Variants in SERPINA4 observed in about 807,000 individuals in gnomAD.
SERPINA4 encodes serpin family A member 4, also known as kallistatin.
SERPINA4 carries 24 observed loss-of-function variants against 25.4 expected under a neutral mutation model. The ratio of observed to expected loss-of-function variants is 0.95; its 90% confidence interval spans 0.69 to 1.33. The LOEUF is 1.33. SERPINA4 is among the 40% of genes most tolerant of loss of function. SERPINA4 has a pLI of 0.00. For missense variants in SERPINA4, 553 were observed against 535.8 expected (o/e 1.03, Z -0.32); for synonymous variants, 242 against 223.6 (o/e 1.08, Z -0.73).
chr14:94,563,113 C>A (rs571205398), intron 1 of SERPINA4, among the ~76,000 whole-genome samples: 1 of 152,254 alleles, frequency 6.6e-6, no homozygotes, highest in East Asian at 1.9e-4. Flanking sequence ...TGGGTTCTGG[C>A]TGGGATATGT....
intron 4 of SERPINA4, 76 bp downstream of exon 4, chr14:94,568,364 T>C: frequency 6.7e-7 from 1 of 1,501,324 alleles, no homozygotes; most frequent in Non-Finnish European, 9.1e-7. Flanking sequence ...GCGATGGGGC[T>C]CCCAAGCTGC....
chr14:94,567,146 G>T lies in SERPINA4; in HGVS notation c.826G>T (p.Val276Leu). ...LRMDYKGDATVFFILPNQGKM... is the reference protein window; with the variant it reads ...LRMDYKGDATLFFILPNQGKM... ...GATGGATTACAAAGGAGACGCAACCGTGTTTTTCATTCTCCCTAACCAAGG... is the reference window on the plus strand; with the variant it reads ...GATGGATTACAAAGGAGACGCAACCTTGTTTTTCATTCTCCCTAACCAAGG... The change falls in exon 3 of 5, where the codon GTG becomes TTG. Residue 276 changes from valine to leucine, a missense_variant. Physicochemically the swap from Val to Leu is conservative, Grantham distance 32 (BLOSUM62 1). Coordinates refer to ENST00000557004, the MANE Select transcript of SERPINA4 (RefSeq NM_006215.4). 2.5e-6 allele frequency: 4 copies of T among 1,612,518 alleles called. No homozygotes were observed. Among genetic ancestry groups the T allele is most frequent in the Non-Finnish European group, 2.5e-6 (3 of 1,178,840 alleles).
At chr14:94,562,609 A>C (rs952555330) in intron 1 of SERPINA4, among the ~76,000 whole-genome samples, 1 of 152,166 alleles carries the variant, frequency 6.6e-6, no homozygotes, top group Non-Finnish European at 1.5e-5. Context: ...TCTCAAACAA[A>C]CAAACAAACA....
intron 2 of SERPINA4, 52 bp downstream of exon 2, chr14:94,564,183 C>T (rs1216473312): frequency 5.8e-6 from 9 of 1,549,142 alleles, no homozygotes; most frequent in Non-Finnish European, 7.9e-6. Context: ...GCCTCCAACC[C>T]ACTAATTTGT....
rs1322974702 is a variant in SERPINA4 at position 94,563,763 on chromosome 14, G to A, written c.281G>A (p.Cys94Tyr). The A allele has an allele frequency of 6.2e-7, 1 of 1,613,986 alleles. No individual in the cohort carries two copies. Among genetic ancestry groups the A allele is most frequent in the African/African-American group, 1.3e-5 (1 of 74,946 alleles). Residue 94 changes from cysteine to tyrosine, a missense_variant, in exon 2 of 5, where the codon TGC (cysteine) becomes TAC (tyrosine). Physicochemically the swap from Cys to Tyr is radical, Grantham distance 194. Transcript: ENST00000557004. ...TACGCCATGCTTTCCCTGGGGGCCT[G>A]CTCACACAGCCGCAGCCAGATCCTT... ...AAYAMLSLGA[C>Y]SHSRSQILEG...
At chr14:94,563,346 C>T in intron 1 of SERPINA4, 120 bp from the exon 2 acceptor site, 1 of 997,354 alleles carries the variant, frequency 1.0e-6, no homozygotes, top group South Asian at 1.6e-5. Flanking sequence ...TTCACAAGCC[C>T]ATCTGCAGGA....
intron 1 of SERPINA4, among the ~76,000 whole-genome samples, chr14:94,562,621 C>T (rs762579392): frequency 4.5e-4 from 69 of 152,046 alleles, no homozygotes; most frequent in Non-Finnish European, 5.9e-5. Context: ...AAACAAACAA[C>T]CAAACAAACA....
At position 94,563,846 on chromosome 14, in the gene SERPINA4, C is replaced by T. The variant is rs900677407; in HGVS notation, c.364C>T (p.Gln122Ter). 1 of 1,614,194 alleles carries T rather than the reference C, an allele frequency of 6.2e-7. No homozygotes were observed. Among genetic ancestry groups the T allele is most frequent in the Admixed American group, 1.7e-5 (1 of 60,032 alleles). The change falls in exon 2 of 5, where the codon CAG becomes TAG. Residue 122 changes from glutamine to a stop codon, truncating the protein, a stop_gained. Coordinates refer to ENST00000557004, the MANE Select transcript of SERPINA4 (RefSeq NM_006215.4). LOFTEE classifies it high-confidence loss of function. ...LSESDVHRGF[Q>*]HLLHTLNLPG... ...TGAGTCCGATGTCCATAGGGGCTTCCAGCACCTCCTGCACACTCTCAACCT... is the reference window on the plus strand; with the variant it reads ...TGAGTCCGATGTCCATAGGGGCTTCTAGCACCTCCTGCACACTCTCAACCT...
intron 4 of SERPINA4, among the ~76,000 whole-genome samples, 173 bp from the exon 5 acceptor site, chr14:94,569,222 G>A (rs1299571809): frequency 6.6e-6 from 1 of 152,198 alleles, no homozygotes; most frequent in African/African-American, 2.4e-5. Flanking sequence ...TGTGGCAGGA[G>A]GTCTCTAGCT....
Position 94,563,850 on chromosome 14 carries a change from AC to A in SERPINA4, c.370del (p.Leu124SerfsTer22). ...SESDVHRGFQ[H>X]LLHTLNLPGH... ...TCCGATGTCCATAGGGGCTTCCAGC[AC>A]CTCCTGCACACTCTCAACCTCCCCG... On this transcript the variant is annotated frameshift_variant, in exon 2 of 5. Coordinates refer to ENST00000557004, the MANE Select transcript of SERPINA4 (RefSeq NM_006215.4). LOFTEE classifies it high-confidence loss of function. The A allele has an allele frequency of 6.2e-7, 1 of 1,613,830 alleles. No individual in the cohort carries two copies. Among genetic ancestry groups the A allele is most frequent in the Non-Finnish European group, 8.5e-7 (1 of 1,179,984 alleles).
At chr14:94,565,802 G>T (rs1433529509) in intron 2 of SERPINA4, among the ~76,000 whole-genome samples, 3 of 152,066 alleles carry the variant, frequency 2.0e-5, no homozygotes, top group Admixed American at 6.6e-5. Context: ...AGGTTGCTGA[G>T]ATTTTGCCAC....
intron 2 of SERPINA4, among the ~76,000 whole-genome samples, chr14:94,566,176 T>A (rs1439639402): frequency 6.6e-6 from 1 of 152,182 alleles, no homozygotes; most frequent in Non-Finnish European, 1.5e-5. Context: ...CTATCATACT[T>A]ACCCTCCAAA....
chr14:94,562,333 A>AG (rs1292078331), intron 1 of SERPINA4, among the ~76,000 whole-genome samples: 1 of 152,168 alleles, frequency 6.6e-6, no homozygotes, highest in Non-Finnish European at 1.5e-5. Context: ...ATAGCAAAAG[A>AG]GGGGGCGAGA....
At chr14:94,562,765 A>C (rs2139899817) in intron 1 of SERPINA4, among the ~76,000 whole-genome samples, 1 of 152,260 alleles carries the variant, frequency 6.6e-6, no homozygotes, top group Middle Eastern at 3.4e-3. Context: ...TTTGGGGGAG[A>C]AACTGGAGTA....
At position 94,563,618 on chromosome 14, in the gene SERPINA4, T is replaced by A. The variant is rs1039508969; in HGVS notation, c.136T>A (p.Ser46Thr). ...HQQILETGEG[S>T]PSLKIAPANA... ...GCAGATTCTGGAGACAGGTGAGGGC[T>A]CCCCCAGCCTCAAGATAGCCCCTGC... The change falls in exon 2 of 5, where the codon TCC becomes ACC. Residue 46 changes from serine (S) to threonine (T), a missense_variant. Ser to Thr is a moderately conservative substitution (Grantham distance 58). Transcript: ENST00000557004. 2 of 1,613,592 alleles carry A rather than the reference T, an allele frequency of 1.2e-6. No homozygotes were observed. The highest frequency in any genetic ancestry group is 4.5e-5 in the East Asian group (2 of 44,876).
intron 1 of SERPINA4, among the ~76,000 whole-genome samples, chr14:94,562,934 A>G (rs565588075): frequency 6.6e-6 from 1 of 152,314 alleles, no homozygotes; most frequent in South Asian, 2.1e-4. Context: ...GTCAAACTAA[A>G]TGGCTGAAAG....
rs1223323251 is a variant in SERPINA4 at position 94,563,482 on chromosome 14, G to A, written c.-1G>A. On this transcript the variant is annotated 5_prime_UTR_variant, in exon 2 of 5. Transcript: ENST00000557004. Reference sequence around the variant, plus strand: ...CTCCCATAGGCCTGAGAGTGCAGAGGATGCATCTTATCGACTACCTGCTCC... The same window carrying A: ...CTCCCATAGGCCTGAGAGTGCAGAGAATGCATCTTATCGACTACCTGCTCC... 2 of 1,611,052 alleles carry A rather than the reference G, an allele frequency of 1.2e-6. No individual in the cohort carries two copies. Among genetic ancestry groups the A allele is most frequent in the Non-Finnish European group, 8.5e-7 (1 of 1,178,398 alleles).
At chr14:94,569,164 C>T (rs1471299756) in intron 4 of SERPINA4, among the ~76,000 whole-genome samples, 1 of 152,118 alleles carries the variant, frequency 6.6e-6, no homozygotes, top group African/African-American at 2.4e-5. Flanking sequence ...CATGCAAAGC[C>T]CCGGGCACAG....
chr14:94,563,381 C>T (rs867454235), intron 1 of SERPINA4, 85 bp from the exon 2 acceptor site: 37 of 1,408,076 alleles, frequency 2.6e-5, no homozygotes, highest in East Asian at 1.6e-4. Flanking sequence ...TCACGATCTC[C>T]GGGTGCTGGC....
Sources: allele counts gnomAD v4.1 joint callset (sites outside exome capture counted in the v4.1 genomes callset), GRCh38; gene constraint gnomAD v4.1.1; transcripts MANE v1.5; gene names NCBI Gene and HGNC (gene_info 2026-07-23, HGNC 2026-07-21).